Variants in DAB1 observed in about 807,000 individuals in gnomAD.
The protein encoded by DAB1 is disabled homolog 1.
Under a neutral mutation model 64.6 loss-of-function variants are expected in DAB1, and 15 were observed. That is an observed-to-expected ratio of 0.23 (90% CI 0.16 to 0.36). The LOEUF (loss-of-function observed/expected upper bound fraction) is 0.36. Ranked by LOEUF, DAB1 falls within the 10% of genes least tolerant of loss-of-function variation. The probability of loss-of-function intolerance (pLI) is 1.00; values close to 1 mark genes in which losing one functional copy is unlikely to be tolerated. For synonymous variants in DAB1, 235 were observed against 251.9 expected (o/e 0.93, Z 0.64); for missense variants, 596 against 706.7 (o/e 0.84, Z 1.78).
intron 1 of DAB1, among the ~76,000 whole-genome samples, chr1:57,348,221 C>T (rs1678276814): frequency 6.6e-6 from 1 of 152,168 alleles, no homozygotes; most frequent in African/African-American, 2.4e-5. Context: ...GGAGCAAACA[C>T]TTGTCCCTGC....
chr1:57,327,013 A>T (rs757475177), intron 1 of DAB1, among the ~76,000 whole-genome samples: 1 of 152,136 alleles, frequency 6.6e-6, no homozygotes. Flanking sequence ...ATCTTGGTTC[A>T]TCGCAGCCTC....
intron 4 of DAB1, among the ~76,000 whole-genome samples, chr1:58,275,100 A>T (rs11589402): frequency 0.59 from 90,137 of 152,170 alleles, 29,531 homozygotes; most frequent in Middle Eastern, 0.73. Flanking sequence ...CTTTTCCACC[A>T]ATGATGCTGG....
intron 3 of DAB1, chr1:58,468,141 T>G (rs139912470): frequency 0.046 from 7,050 of 152,354 alleles, 222 homozygotes; most frequent in East Asian, 0.12. Flanking sequence ...GCCAGGATGG[T>G]CTCAATCTCT....
rs754933248 is a variant in DAB1 at position 57,015,294 on chromosome 1, C to T, written c.1033G>A (p.Gly345Ser). Reference sequence around the variant, plus strand: ...GGCTGCTGAGTGGCAGGAAAGAGACCCGGCTGGCCCCATGCGATGGGCTGA... The same window carrying T: ...GGCTGCTGAGTGGCAGGAAAGAGACTCGGCTGGCCCCATGCGATGGGCTGA... ...GAQPIAWGQP[G>S]LFPATQQPWP... The change falls in exon 12 of 15, where the codon GGT becomes AGT. Residue 345 changes from glycine (G) to serine (S), a missense_variant. Transcript: ENST00000371236. The T allele has an allele frequency of 1.2e-6, 2 of 1,614,090 alleles. No homozygotes were observed. Among genetic ancestry groups the T allele is most frequent in the South Asian group, 2.2e-5 (2 of 91,066 alleles).
chr1:57,997,733 A>G (rs1274558139), intron 5 of DAB1, among the ~76,000 whole-genome samples: 1 of 152,098 alleles, frequency 6.6e-6, no homozygotes, highest in Non-Finnish European at 1.5e-5. Context: ...CAGTAGAAGA[A>G]TCTGAGACAG....
chr1:57,724,286 C>G lies in DAB1; in HGVS notation n.552-74621G>C, dbSNP rs3131724. Among the ~76,000 whole-genome samples the G allele has an allele frequency of 5.8e-3, 637 of 109,684 alleles. 1 individual carries two copies. The highest frequency in any genetic ancestry group is 0.026 in the African/African-American group (584 of 22,804). The allele number at this position is 109,684 out of a possible 152,430, so 72.0% of individuals were successfully genotyped here. A position where few individuals can be genotyped will look rare whatever the true frequency, so the allele number is the denominator to read the frequency against. On this transcript the variant is annotated intron_variant and non_coding_transcript_variant, in intron 6 of 20. Coordinates refer to the DAB1 transcript ENST00000485760. Reference sequence around the variant, plus strand: ...AGGGAAAAAGGAAGGAAGGAAGGAACGAAGGAAGGAAGGAAGGGAGGGAGG... The same window carrying G: ...AGGGAAAAAGGAAGGAAGGAAGGAAGGAAGGAAGGAAGGAAGGGAGGGAGG...
At chr1:58,259,469 C>T (rs1242488072) in intron 4 of DAB1, among the ~76,000 whole-genome samples, 2 of 152,222 alleles carry the variant, frequency 1.3e-5, no homozygotes, top group Admixed American at 1.3e-4. Context: ...CTTTTCTTCT[C>T]TGGACTTCCT....
rs563183061 is a variant in DAB1 at position 57,916,629 on chromosome 1, G to A, written n.388-32467C>T. Among the ~76,000 whole-genome samples, 52 of 152,298 alleles carry A rather than the reference G, an allele frequency of 3.4e-4. 1 individual carries two copies. Among genetic ancestry groups the A allele is most frequent in the East Asian group, 1.4e-3 (7 of 5,178 alleles). On this transcript the variant is annotated intron_variant and non_coding_transcript_variant, in intron 5 of 20. Coordinates refer to the DAB1 transcript ENST00000485760. The stretch of plus-strand genomic sequence containing the variant: ...CCATTTTACAGTTGAGGAAACTGAG[G>A]CATGGATAGGTTAAAAGGGTTAAGT...
rs17417626 is a variant in DAB1, at chr1:57,033,602, A to T, written c.724-7559T>A. On this transcript the variant is annotated intron_variant, in intron 9 of 14. Transcript: ENST00000371236. ...AAAGTGGAAGGGATGATGAATGAGG[A>T]TGAAGTGAATGACACACAAATGACA... The T allele has an allele frequency of 6.9e-6, 11 of 1,589,582 alleles. No homozygotes were observed. In the Admixed American group the frequency reaches 1.0e-4, roughly 15 times the overall value.
rs183019813 is a variant in DAB1 at position 57,803,461 on chromosome 1, A to G, written n.551+80538T>C. On this transcript the variant is annotated intron_variant and non_coding_transcript_variant, in intron 6 of 20. Coordinates refer to the DAB1 transcript ENST00000485760. The stretch of plus-strand genomic sequence containing the variant: ...GGAACCCATACAGAAGCCAGAGGAA[A>G]ACAACCTGAGTTGATGCAGTCTTCC... Among the ~76,000 whole-genome samples the G allele has an allele frequency of 2.7e-3, 415 of 152,364 alleles. 2 individuals are homozygous for G. The highest frequency in any genetic ancestry group is 9.7e-3 in the African/African-American group (403 of 41,588).
chr1:57,916,600 A>G (rs1644730336), intron 5 of DAB1, among the ~76,000 whole-genome samples: 2 of 152,374 alleles, frequency 1.3e-5, no homozygotes, highest in East Asian at 3.9e-4. Context: ...GAAAACAATT[A>G]GTCCCATTTT....
intron 7 of DAB1, among the ~76,000 whole-genome samples, chr1:57,602,990 G>T (rs1570664821): frequency 6.6e-6 from 1 of 152,308 alleles, no homozygotes; most frequent in East Asian, 1.9e-4. Flanking sequence ...TCCCCACAGA[G>T]AGGGTGAACA....
intron 2 of DAB1, among the ~76,000 whole-genome samples, chr1:58,512,751 G>C (rs11207247): frequency 0.18 from 27,047 of 152,090 alleles, 2,532 homozygotes; most frequent in Middle Eastern, 0.23. Flanking sequence ...GTGGAAGTAG[G>C]AGGAAATGAG....
chr1:57,456,407 T>C (rs778409641), intron 7 of DAB1, among the ~76,000 whole-genome samples: 1 of 152,194 alleles, frequency 6.6e-6, no homozygotes, highest in Non-Finnish European at 1.5e-5. Flanking sequence ...TTGCAGATGT[T>C]GTTGGCTTTG....
Position 57,960,048 on chromosome 1 carries a change from G to A in DAB1, n.388-75886C>T, listed in dbSNP as rs186254954. On this transcript the variant is annotated intron_variant and non_coding_transcript_variant, in intron 5 of 20. Transcript: ENST00000485760. ...ATGCAGCATCCTCAGATGCCAGAGC[G>A]CGTTTCTGCTGCAGCCTCCACGATG... 7.4e-4 allele frequency among the ~76,000 whole-genome samples: 112 copies of A among 152,250 alleles called. No individual in the cohort carries two copies. The East Asian group carries it at 0.013, about 18-fold the overall frequency.
chr1:57,382,179 A>G (rs1171544634), intron 1 of DAB1, among the ~76,000 whole-genome samples: 1 of 152,170 alleles, frequency 6.6e-6, no homozygotes, highest in Non-Finnish European at 1.5e-5. Flanking sequence ...GGGAAGATCA[A>G]TAGCAAACCA....
chr1:57,439,910 G>A (rs1410175179), intron 7 of DAB1, among the ~76,000 whole-genome samples: 1 of 152,040 alleles, frequency 6.6e-6, no homozygotes. Flanking sequence ...GTTTCCTTCA[G>A]TGGAAAACAA....
At chr1:57,558,579 G>T (rs962957620) in intron 7 of DAB1, among the ~76,000 whole-genome samples, 1 of 152,198 alleles carries the variant, frequency 6.6e-6, no homozygotes, top group African/African-American at 2.4e-5. Context: ...GAATAGCCAT[G>T]GGAATAGATA....
chr1:58,536,104 CAG>C (rs1399500876), intron 1 of DAB1, among the ~76,000 whole-genome samples: 2 of 151,956 alleles, frequency 1.3e-5, no homozygotes, highest in Middle Eastern at 3.2e-3. Context: ...AGGAAAAGTA[CAG>C]TATGCAGAGA....
Sources: gnomAD v4.1 joint callset for allele counts (sites outside exome capture counted in the v4.1 genomes callset) on GRCh38, gnomAD v4.1.1 for gene constraint, MANE v1.5 for transcripts, NCBI Gene and HGNC (gene_info 2026-07-23, HGNC 2026-07-21) for gene names.